Variants in ELMO1 observed in about 807,000 individuals in gnomAD.
ELMO1 encodes the protein engulfment and cell motility 1, also known as engulfment and cell motility protein 1.
Under a neutral mutation model 98.9 loss-of-function variants are expected in ELMO1, and 26 were observed. The ratio of observed to expected loss-of-function variants is 0.26; its 90% confidence interval spans 0.19 to 0.36. The LOEUF (loss-of-function observed/expected upper bound fraction) is 0.36. Among genes scored for constraint, ELMO1 ranks in the 10% least tolerant of loss-of-function variants. The pLI is 1.00. For missense variants in ELMO1, 627 were observed against 935.2 expected (o/e 0.67, Z 4.30); for synonymous variants, 346 against 346.0 (o/e 1.00, Z 0.00).
rs1248421464 is a variant in ELMO1, at chr7:36,871,884, G to A, written c.1823-1409C>T. On this transcript the variant is annotated intron_variant, in intron 19 of 21. Coordinates refer to ENST00000310758, the MANE Select transcript of ELMO1 (RefSeq NM_014800.11). ...GTACCCTAAAATTACTAACAACTTT[G>A]TCCATATCTGTTGACACTCTTAGGC... 2.6e-5 allele frequency among the ~76,000 whole-genome samples: 4 copies of A among 152,120 alleles called. No homozygotes were observed. In the East Asian group the frequency reaches 7.7e-4, roughly 29 times the overall value.
At chr7:37,157,834 C>G (rs1268521455) in intron 13 of ELMO1, among the ~76,000 whole-genome samples, 2 of 152,006 alleles carry the variant, frequency 1.3e-5, no homozygotes, top group Admixed American at 6.6e-5. Context: ...CAAAAAAGAG[C>G]CTGCATGGCC....
intron 1 of ELMO1, among the ~76,000 whole-genome samples, chr7:37,438,033 C>T (rs970159302): frequency 1.3e-5 from 2 of 151,864 alleles, no homozygotes; most frequent in African/African-American, 4.8e-5. Flanking sequence ...TTAACTATTG[C>T]CACCATGCTG....
chr7:37,211,203 T>C, intron 13 of ELMO1, 183 bp downstream of exon 13: 1 of 786,954 alleles, frequency 1.3e-6, no homozygotes, highest in Non-Finnish European at 2.0e-6. Context: ...AGTTATTCCA[T>C]TTCACTGAAG....
chr7:37,043,448 A>G (rs1795635520), intron 15 of ELMO1, among the ~76,000 whole-genome samples: 1 of 152,208 alleles, frequency 6.6e-6, no homozygotes, highest in African/African-American at 2.4e-5. Flanking sequence ...GTTGGGGGAA[A>G]GGATGGCAAA....
chr7:37,322,392 G>A (rs571252346), intron 2 of ELMO1, among the ~76,000 whole-genome samples: 46 of 151,964 alleles, frequency 3.0e-4, no homozygotes, highest in Non-Finnish European at 4.7e-4. Context: ...AAGGCAGATG[G>A]ATCACCTGAG....
At chr7:37,049,715 G>A (rs985668410) in intron 15 of ELMO1, among the ~76,000 whole-genome samples, 2 of 151,456 alleles carry the variant, frequency 1.3e-5, no homozygotes, top group African/African-American at 4.9e-5. Flanking sequence ...ATATCCAGGT[G>A]TTTGAGAGCT....
At chr7:37,369,897 GTC>G (rs1316961546) in intron 1 of ELMO1, among the ~76,000 whole-genome samples, 2 of 152,096 alleles carry the variant, frequency 1.3e-5, no homozygotes, top group African/African-American at 4.8e-5. Flanking sequence ...TCCCTCTGAC[GTC>G]TCCCTACTCC....
chr7:37,371,901 T>A (rs1003421613), intron 1 of ELMO1, among the ~76,000 whole-genome samples: 2 of 152,106 alleles, frequency 1.3e-5, no homozygotes, highest in African/African-American at 4.8e-5. Flanking sequence ...CAGGGAGAGA[T>A]GGGTTGGGGG....
intron 16 of ELMO1, among the ~76,000 whole-genome samples, chr7:37,000,623 T>G (rs1792596251): frequency 6.6e-6 from 1 of 152,222 alleles, no homozygotes; most frequent in Non-Finnish European, 1.5e-5. Context: ...ACACATGTGA[T>G]TCAACATTCC....
At chr7:37,026,702 C>A (rs181106375) in intron 15 of ELMO1, among the ~76,000 whole-genome samples, 1 of 152,232 alleles carries the variant, frequency 6.6e-6, no homozygotes, top group East Asian at 1.9e-4. Context: ...CTACTTGGAC[C>A]CCACTGAGTC....
intron 16 of ELMO1, among the ~76,000 whole-genome samples, chr7:37,006,176 C>T (rs943529011): frequency 4.6e-5 from 7 of 152,178 alleles, no homozygotes; most frequent in African/African-American, 1.7e-4. Flanking sequence ...GTTCAACGCA[C>T]CCCCATACAG....
At chr7:37,448,407 G>GCTCCCA (rs1171102018) in intron 1 of ELMO1, among the ~76,000 whole-genome samples, 2 of 149,780 alleles carry the variant, frequency 1.3e-5, no homozygotes, top group African/African-American at 4.9e-5. Context: ...CCCTCCCTCC[G>GCTCCCA]CTCCCACTCC....
chr7:37,207,290 C>G (rs1439900717), intron 13 of ELMO1, among the ~76,000 whole-genome samples: 1 of 152,218 alleles, frequency 6.6e-6, no homozygotes, highest in Non-Finnish European at 1.5e-5. Context: ...GTGGCTCACG[C>G]CTGTAATCCC....
chr7:37,232,081 G>A (rs933617228), intron 8 of ELMO1, among the ~76,000 whole-genome samples: 1 of 152,118 alleles, frequency 6.6e-6, no homozygotes, highest in Non-Finnish European at 1.5e-5. Flanking sequence ...TTGAACTCCT[G>A]ACCTCAAATA....
intron 15 of ELMO1, among the ~76,000 whole-genome samples, chr7:37,089,076 A>G (rs1161400428): frequency 6.6e-6 from 1 of 152,220 alleles, no homozygotes; most frequent in East Asian, 1.9e-4. Flanking sequence ...TGTATTCCCC[A>G]AGAATGAAAG....
At chr7:37,364,073 A>T (rs1045306921) in intron 1 of ELMO1, among the ~76,000 whole-genome samples, 21 of 152,200 alleles carry the variant, frequency 1.4e-4, no homozygotes, top group African/African-American at 4.1e-4. Flanking sequence ...CCTCTCTGAC[A>T]TAAAGGAGTC....
chr7:37,275,913 G>A (rs1379361165), intron 4 of ELMO1, among the ~76,000 whole-genome samples: 3 of 152,194 alleles, frequency 2.0e-5, no homozygotes, highest in Non-Finnish European at 4.4e-5. Context: ...TTCACCATAT[G>A]CTGATGACAC....
At chr7:36,879,362 G>A (rs1359216720) in intron 18 of ELMO1, among the ~76,000 whole-genome samples, 1 of 152,228 alleles carries the variant, frequency 6.6e-6, no homozygotes, top group Non-Finnish European at 1.5e-5. Context: ...AAGCCCCTTT[G>A]CACCACTGTG....
At chr7:36,871,983 C>G (rs1428587037) in intron 19 of ELMO1, among the ~76,000 whole-genome samples, 1 of 152,200 alleles carries the variant, frequency 6.6e-6, no homozygotes, top group Non-Finnish European at 1.5e-5. Context: ...CCATATCTCA[C>G]CACATCTTGC....
Sources: allele counts gnomAD v4.1 joint callset (sites outside exome capture counted in the v4.1 genomes callset), GRCh38; gene constraint gnomAD v4.1.1; transcripts MANE v1.5; gene names NCBI Gene and HGNC (gene_info 2026-07-23, HGNC 2026-07-21).